Variants in IRF3 observed in about 807,000 individuals in gnomAD.
The protein encoded by IRF3 is interferon regulatory factor 3.
A neutral mutation model predicts 43.2 loss-of-function variants in IRF3; 29 were observed. The observed-to-expected ratio is 0.67, with a 90% CI of 0.50 to 0.91. IRF3 has a LOEUF of 0.91. Among genes scored for constraint, IRF3 ranks in the 40% least tolerant of loss-of-function variants. IRF3 has a pLI of 0.00. For synonymous variants in IRF3, 228 were observed against 233.9 expected (o/e 0.97, Z 0.23); for missense variants, 505 against 559.1 (o/e 0.90, Z 0.98).
intron 7 of IRF3, 99 bp downstream of exon 7, chr19:49,660,613 GT>G: frequency 7.7e-7 from 1 of 1,306,668 alleles, no homozygotes; most frequent in Admixed American, 3.0e-5. Context: ...GGAAGTTGCA[GT>G]TTTTTAGAGG....
Position 49,665,619 on chromosome 19 carries a change from C to G in IRF3, c.-9+12G>C. The G allele has an allele frequency of 1.6e-6, 1 of 633,236 alleles. No homozygotes were observed. Among genetic ancestry groups the G allele is most frequent in the Non-Finnish European group, 2.7e-6 (1 of 375,746 alleles). 39.2% of individuals were successfully genotyped at this position (633,236 alleles called of 1,614,324 possible). ...GACGCCACCAACGCTCTCCCGGGCT[C>G]TTCCGCGTTACCTACGATGGAAGGT... On this transcript the variant is annotated intron_variant, in intron 1 of 7. Coordinates refer to ENST00000377139, the MANE Select transcript of IRF3 (RefSeq NM_001571.6).
intron 7 of IRF3, among the ~76,000 whole-genome samples, chr19:49,660,139 A>G (rs1599845236): frequency 6.7e-6 from 1 of 150,292 alleles, no homozygotes; most frequent in South Asian, 2.1e-4. Flanking sequence ...TGTGATCTTG[A>G]CTCCTGGGAG....
chr19:49,659,881 T>C, intron 7 of IRF3, 48 bp from the exon 8 acceptor site: 1 of 1,536,150 alleles, frequency 6.5e-7, no homozygotes, highest in South Asian at 1.3e-5. Flanking sequence ...CCAGCCACTG[T>C]CCACCAAGGT....
chr19:49,665,624 G>A lies in IRF3; in HGVS notation c.-9+7C>T, dbSNP rs751648379. 3.7e-5 allele frequency: 24 copies of A among 645,776 alleles called. No individual in the cohort carries two copies. The highest frequency in any genetic ancestry group is 5.9e-5 in the Non-Finnish European group (23 of 387,442). The allele number at this position is 645,776 out of a possible 1,614,324, so 40.0% of individuals were successfully genotyped here. A position where few individuals can be genotyped will look rare whatever the true frequency, so the allele number is the denominator to read the frequency against. ...CACCAACGCTCTCCCGGGCTCTTCC[G>A]CGTTACCTACGATGGAAGGTCGGGG... On this transcript the variant is annotated splice_region_variant and intron_variant, in intron 1 of 7. Coordinates refer to ENST00000377139, the MANE Select transcript of IRF3 (RefSeq NM_001571.6).
At chr19:49,663,557 A>G (rs1484275955) in intron 2 of IRF3, 43 bp from the exon 3 acceptor site, 8 of 1,598,352 alleles carry the variant, frequency 5.0e-6, no homozygotes, top group Non-Finnish European at 6.8e-6. Context: ...AGGACGACTT[A>G]GATCCTGCTC....
Position 49,662,530 on chromosome 19 carries a change from G to T in IRF3, c.496C>A (p.Pro166Thr). The T allele has an allele frequency of 6.5e-7, 1 of 1,540,850 alleles. No individual in the cohort carries two copies. The change falls in exon 5 of 8, where the codon CCC becomes ACC. Residue 166 changes from proline to threonine, a missense_variant. By Grantham distance (38) the Pro-to-Thr change is conservative (BLOSUM62 -1). Transcript: ENST00000377139. ...GPPSLAVAPE[P>T]CPQPLRSPSL... Reference sequence around the variant, plus strand: ...GGGCTCCGCAGGGGCTGAGGGCAGGGCTCAGGGGCTACAGCCAGGCTTGGG... The same window carrying T: ...GGGCTCCGCAGGGGCTGAGGGCAGGTCTCAGGGGCTACAGCCAGGCTTGGG...
chr19:49,660,046 C>T (rs2122569695), intron 7 of IRF3, among the ~76,000 whole-genome samples: 1 of 142,874 alleles, frequency 7.0e-6, no homozygotes. Context: ...TGTAACTGAA[C>T]CATAGGCCTA....
intron 2 of IRF3, chr19:49,664,412 C>T (rs1169141958): frequency 1.4e-6 from 2 of 1,436,134 alleles, no homozygotes; most frequent in Non-Finnish European, 1.9e-6. Context: ...AAGCCCCAAA[C>T]CCCCAGGATG....
At chr19:49,660,203 A>G (rs906040893) in intron 7 of IRF3, among the ~76,000 whole-genome samples, 2 of 151,972 alleles carry the variant, frequency 1.3e-5, no homozygotes, top group East Asian at 1.9e-4. Flanking sequence ...CAGCTTCTAC[A>G]TGGTTTAGAG....
chr19:49,665,032 T>A, intron 1 of IRF3, 186 bp from the exon 2 acceptor site: 1 of 626,414 alleles, frequency 1.6e-6, no homozygotes, highest in Non-Finnish European at 2.7e-6. Context: ...TCTAATCAGC[T>A]AGGGTTCCTT....
intron 7 of IRF3, among the ~76,000 whole-genome samples, 163 bp from the exon 8 acceptor site, chr19:49,659,996 C>CACATAT (rs1555753004): frequency 8.3e-6 from 1 of 120,624 alleles, no homozygotes; most frequent in East Asian, 2.2e-4. Flanking sequence ...CACACACACA[C>CACATAT]ACACACACAC....
In IRF3 at chr19:49,662,632, A is replaced by C. The variant is rs1030927327; in HGVS notation, c.409-15T>G. 5 of 1,525,878 alleles carry C rather than the reference A, an allele frequency of 3.3e-6. No homozygotes were observed. The East Asian group carries it at 1.2e-4, about 37-fold the overall frequency. 94.5% of individuals were successfully genotyped at this position (1,525,878 alleles called of 1,614,324 possible). ...AGAATGTCTTCCTGGAGGGAAACAA[A>C]AAAAGAGAATCAGGCATTTCCATAT... On this transcript the variant is annotated splice_polypyrimidine_tract_variant and intron_variant, in intron 4 of 7. Transcript: ENST00000377139.
At chr19:49,662,994 C>T (rs532953454) in intron 4 of IRF3, among the ~76,000 whole-genome samples, 194 bp downstream of exon 4, 27 of 152,132 alleles carry the variant, frequency 1.8e-4, no homozygotes, top group Non-Finnish European at 2.9e-4. Flanking sequence ...AAGGTGTGCT[C>T]GGGCCTTGAA....
intron 1 of IRF3, 105 bp from the exon 2 acceptor site, chr19:49,664,951 C>A (rs748504747): frequency 8.2e-7 from 1 of 1,222,062 alleles, no homozygotes; most frequent in Non-Finnish European, 1.1e-6. Flanking sequence ...GGCACAGGTC[C>A]TTCACCCATA....
Position 49,662,539 on chromosome 19 carries a change from C to A in IRF3, c.487G>T (p.Ala163Ser), listed in dbSNP as rs763424189. The A allele has an allele frequency of 3.3e-6, 5 of 1,535,390 alleles. No individual in the cohort carries two copies. In the East Asian group the frequency reaches 7.2e-5, roughly 22 times the overall value. Residue 163 changes from alanine to serine, a missense_variant, in exon 5 of 8, where the codon GCC becomes TCC. By Grantham distance (99) the Ala-to-Ser change is moderately conservative (BLOSUM62 1). Transcript: ENST00000377139. ...AGGGGCTGAGGGCAGGGCTCAGGGGCTACAGCCAGGCTTGGGGGTCCCGGA... is the reference window on the plus strand; with the variant it reads ...AGGGGCTGAGGGCAGGGCTCAGGGGATACAGCCAGGCTTGGGGGTCCCGGA... ...PDPGPPSLAV[A>S]PEPCPQPLRS... is the part of the protein sequence containing the mutation.
At position 49,663,896 on chromosome 19, in the gene IRF3, A is replaced by G. The variant is rs531508610; in HGVS notation, c.166-382T>C. 188 of 247,524 alleles carry G rather than the reference A, an allele frequency of 7.6e-4. 1 individual carries two copies. The highest frequency in any genetic ancestry group is 5.0e-4 in the Non-Finnish European group (62 of 124,372). 15.3% of individuals were successfully genotyped at this position (247,524 alleles called of 1,614,324 possible). A position where few individuals can be genotyped will look rare whatever the true frequency, so the allele number is the denominator to read the frequency against. ...TTTTTAGTAGAGATGGGGTTTCACC[A>G]TGTTGGCCAGGCTGGTCTTGAACTC... On this transcript the variant is annotated intron_variant, in intron 2 of 7. Coordinates refer to ENST00000377139, the MANE Select transcript of IRF3 (RefSeq NM_001571.6).
chr19:49,663,552 G>T, intron 2 of IRF3, 38 bp from the exon 3 acceptor site: 1 of 1,603,658 alleles, frequency 6.2e-7, no homozygotes, highest in South Asian at 1.1e-5. Context: ...GGGGGAGGAC[G>T]ACTTAGATCC....
intron 7 of IRF3, among the ~76,000 whole-genome samples, 188 bp from the exon 8 acceptor site, chr19:49,660,021 ACACACAC>A (rs1197333117): frequency 3.4e-5 from 4 of 117,116 alleles, no homozygotes; most frequent in African/African-American, 8.9e-5. Flanking sequence ...ACACACACAC[ACACACAC>A]CCCCTGCTGT....
At chr19:49,663,752 A>G (rs1012346054) in intron 2 of IRF3, 22 of 520,792 alleles carry the variant, frequency 4.2e-5, no homozygotes, top group African/African-American at 1.3e-4. Flanking sequence ...CTGGAATGCA[A>G]TGGTGCAATC....
Sources: gnomAD v4.1 joint callset for allele counts (sites outside exome capture counted in the v4.1 genomes callset) on GRCh38, gnomAD v4.1.1 for gene constraint, MANE v1.5 for transcripts, NCBI Gene and HGNC (gene_info 2026-07-23, HGNC 2026-07-21) for gene names.